The following ELFN1 variants were observed in gnomAD, a reference collection of about 807,000 sequenced individuals.
ELFN1 encodes protein ELFN1.
A neutral mutation model predicts 7.6 loss-of-function variants in ELFN1; 6 were observed. The observed-to-expected ratio is 0.79, with a 90% CI of 0.43 to 1.56. The LOEUF is 1.56. ELFN1 is among the 40% of genes most tolerant of loss of function. ELFN1 has a pLI of 0.01. For missense variants in ELFN1, 1,169 were observed against 1,232.2 expected, an observed-to-expected ratio of 0.95 and a Z score of 0.77; for synonymous variants, 657 against 588.1, an observed-to-expected ratio of 1.12 and a Z score of -1.70.
upstream of ELFN1, among the ~76,000 whole-genome samples, chr7:1,667,547 A>C (rs1299738689): frequency 4.0e-5 from 6 of 151,434 alleles, no homozygotes; most frequent in Non-Finnish European, 8.8e-5. This position sits in a 1 kb window ranked among gnomAD's most constrained non-coding sequence, Gnocchi z 8.2. Flanking sequence ...GGTCTCCCCC[A>C]CCCCACCTGG....
Position 1,746,732 on chromosome 7 carries a change from G to A in ELFN1, c.2136G>A (p.Pro712=), listed in dbSNP as rs1446756956. 5.4e-6 allele frequency: 8 copies of A among 1,483,344 alleles called. No individual in the cohort carries two copies. Among genetic ancestry groups the A allele is most frequent in the Admixed American group, 2.3e-5 (1 of 43,714 alleles). The allele number at this position is 1,483,344 out of a possible 1,614,324, so 91.9% of individuals were successfully genotyped here. ...EHRHSYPGSH[P]AEPPAPPGPP... ...GGCACTCGTACCCCGGCTCCCACCC[G>A]GCCGAGCCACCTGCGCCCCCCGGGC... Residue 712 remains proline (P), a synonymous_variant, in exon 4 of 4, where the codon CCG becomes CCA. Coordinates refer to ENST00000424383, the MANE Select transcript of ELFN1 (RefSeq NM_001128636.4).
intron 1 of ELFN1, among the ~76,000 whole-genome samples, chr7:1,671,294 G>A (rs1008810347): frequency 6.6e-6 from 1 of 152,160 alleles, no homozygotes; most frequent in Non-Finnish European, 1.5e-5. Context: ...AATGGGGCTA[G>A]GATGATCATG....
At chr7:1,668,567 C>T (rs1041687109), upstream of ELFN1, among the ~76,000 whole-genome samples, 1 of 152,230 alleles carries the variant, frequency 6.6e-6, no homozygotes, top group African/African-American at 2.4e-5. Context: ...TTACTGGGAC[C>T]TTCCAAGCGT....
At chr7:1,709,767 G>T (rs1024230956) in intron 3 of ELFN1, among the ~76,000 whole-genome samples, 1 of 152,258 alleles carries the variant, frequency 6.6e-6, no homozygotes, top group Non-Finnish European at 1.5e-5. Context: ...ATGCCTAGGT[G>T]AATAGGCAGG....
At chr7:1,734,196 T>C (rs1780384664) in intron 3 of ELFN1, among the ~76,000 whole-genome samples, 1 of 152,108 alleles carries the variant, frequency 6.6e-6, no homozygotes, top group Non-Finnish European at 1.5e-5. Flanking sequence ...GACCCTTGCC[T>C]GGCATAAGTG....
upstream of ELFN1, among the ~76,000 whole-genome samples, chr7:1,669,770 C>A (rs957722054): frequency 4.6e-5 from 7 of 152,176 alleles, no homozygotes; most frequent in Non-Finnish European, 8.8e-5. Flanking sequence ...GGATAAGGGG[C>A]GGACCGACGG....
At chr7:1,712,478 C>G (rs905133688) in intron 3 of ELFN1, among the ~76,000 whole-genome samples, 2 of 151,282 alleles carry the variant, frequency 1.3e-5, no homozygotes, top group African/African-American at 4.9e-5. Context: ...GTCACCCAGG[C>G]TGGAGTGCAA....
At chr7:1,731,831 G>A (rs895491527) in intron 3 of ELFN1, among the ~76,000 whole-genome samples, 1 of 152,194 alleles carries the variant, frequency 6.6e-6, no homozygotes. Flanking sequence ...TGTATTTTTA[G>A]TAGAGACGGG....
intron 3 of ELFN1, among the ~76,000 whole-genome samples, chr7:1,736,817 G>A (rs1780460593): frequency 6.6e-6 from 1 of 152,166 alleles, no homozygotes; most frequent in Admixed American, 6.5e-5. Context: ...CTCTCCTGCT[G>A]TGGCCAGCTC....
chr7:1,697,931 C>A (rs1346869753), intron 2 of ELFN1, among the ~76,000 whole-genome samples: 1 of 152,198 alleles, frequency 6.6e-6, no homozygotes, highest in Non-Finnish European at 1.5e-5. Context: ...AAAGGAGAGA[C>A]AGACAGGGCA....
intron 2 of ELFN1, among the ~76,000 whole-genome samples, chr7:1,707,317 C>T (rs1037762686): frequency 1.3e-5 from 2 of 152,262 alleles, no homozygotes; most frequent in African/African-American, 4.8e-5. Context: ...TGGCTGCACA[C>T]GCCTGTCTCC....
chr7:1,719,426 C>T (rs901051280), intron 3 of ELFN1, among the ~76,000 whole-genome samples: 2 of 152,194 alleles, frequency 1.3e-5, no homozygotes, highest in Non-Finnish European at 2.9e-5. Context: ...CCAACAGGAC[C>T]GGCTCTGGGC....
intron 2 of ELFN1, among the ~76,000 whole-genome samples, chr7:1,697,440 A>T (rs1015606270): frequency 1.3e-4 from 20 of 152,192 alleles, no homozygotes; most frequent in Non-Finnish European, 2.8e-4. Context: ...CTCTGTGGGT[A>T]GGACTGAGCA....
At chr7:1,680,032 G>C (rs1258568492) in intron 1 of ELFN1, among the ~76,000 whole-genome samples, 1 of 152,222 alleles carries the variant, frequency 6.6e-6, no homozygotes, top group Admixed American at 6.5e-5. Flanking sequence ...CATGAAGTCG[G>C]GACATGGGAG....
At chr7:1,689,648 T>C (rs1779120110) in intron 2 of ELFN1, among the ~76,000 whole-genome samples, 2 of 152,210 alleles carry the variant, frequency 1.3e-5, no homozygotes, top group East Asian at 1.9e-4. Context: ...TTAATCATGT[T>C]GAATCTCCTA....
At chr7:1,667,744 C>T (rs1210997318), upstream of ELFN1, among the ~76,000 whole-genome samples, 1 of 152,194 alleles carries the variant, frequency 6.6e-6, no homozygotes, top group African/African-American at 2.4e-5. The surrounding 1 kb of genome is among the most constrained non-coding windows in gnomAD (Gnocchi z 8.2). Context: ...CAGGTTCCAA[C>T]CTCCCAGCTT....
At chr7:1,693,889 A>G in intron 2 of ELFN1, 1 of 416,550 alleles carries the variant, frequency 2.4e-6, no homozygotes. Flanking sequence ...CCTCCTCCCC[A>G]GTCCATGCCA....
At chr7:1,709,572 G>T (rs556192977) in intron 3 of ELFN1, among the ~76,000 whole-genome samples, 2 of 152,348 alleles carry the variant, frequency 1.3e-5, no homozygotes, top group South Asian at 4.1e-4. Flanking sequence ...GACAAGCCAG[G>T]ATCAGCCCTG....
chr7:1,731,387 T>C (rs1780322145), intron 3 of ELFN1, among the ~76,000 whole-genome samples: 2 of 152,186 alleles, frequency 1.3e-5, no homozygotes, highest in African/African-American at 4.8e-5. Context: ...CTGCCAGGTA[T>C]GGAAGCTTTT....
Sources: allele counts gnomAD v4.1 joint callset (sites outside exome capture counted in the v4.1 genomes callset), GRCh38; gene constraint gnomAD v4.1.1; non-coding constraint Gnocchi (gnomAD v3.1); transcripts MANE v1.5; gene names NCBI Gene and HGNC (gene_info 2026-07-23, HGNC 2026-07-21).